The following LAMA1 variants were observed in gnomAD, a reference collection of about 807,000 sequenced individuals.
LAMA1 encodes laminin subunit alpha 1, also known as laminin subunit alpha-1.
In LAMA1, 219 loss-of-function variants were observed where a neutral mutation model predicts 348.7. The ratio of observed to expected loss-of-function variants is 0.63; its 90% CI spans 0.56 to 0.70. LAMA1 has a LOEUF of 0.70. Among genes scored for constraint, LAMA1 ranks in the 30% least tolerant of loss-of-function variants. The probability of loss-of-function intolerance (pLI) is 0.00; values close to 1 mark genes in which losing one functional copy is unlikely to be tolerated. For missense variants in LAMA1, 3,744 were observed against 3,888.0 expected, an observed-to-expected ratio of 0.96 and a Z score of 0.99; for synonymous variants, 1,487 against 1,491.0, an observed-to-expected ratio of 1.00 and a Z score of 0.06.
intron 39 of LAMA1, among the ~76,000 whole-genome samples, chr18:6,984,672 G>A (rs1387592834): frequency 6.6e-6 from 1 of 152,142 alleles, no homozygotes; most frequent in Non-Finnish European, 1.5e-5. Flanking sequence ...AGCAAGTTGA[G>A]TACATATTTT....
At chr18:7,009,950 G>A (rs2057851998) in intron 26 of LAMA1, among the ~76,000 whole-genome samples, 1 of 152,090 alleles carries the variant, frequency 6.6e-6, no homozygotes, top group Non-Finnish European at 1.5e-5. Context: ...GGGACTACAG[G>A]TGTGTGCCAC....
intron 2 of LAMA1, 83 bp downstream of exon 2, chr18:7,080,203 TG>T: frequency 1.3e-6 from 2 of 1,596,452 alleles, no homozygotes; most frequent in Non-Finnish European, 1.7e-6. Context: ...ACAATGTTTA[TG>T]GCTTCCTAAC....
At chr18:7,090,270 G>C (rs1485945718) in intron 1 of LAMA1, among the ~76,000 whole-genome samples, 1 of 152,112 alleles carries the variant, frequency 6.6e-6, no homozygotes, top group African/African-American at 2.4e-5. Flanking sequence ...CAAAGCTAAG[G>C]CTTAAATATG....
At chr18:6,979,905 T>C (rs1215148614) in intron 42 of LAMA1, among the ~76,000 whole-genome samples, 1 of 152,098 alleles carries the variant, frequency 6.6e-6, no homozygotes, top group African/African-American at 2.4e-5. Flanking sequence ...TCTCAAAAAA[T>C]GTGTGCTGCT....
At position 7,013,881 on chromosome 18, in the gene LAMA1, C is replaced by G. The variant is rs1296303021; in HGVS notation, c.3297G>C (p.Gly1099=). 1 of 1,612,414 alleles carries G rather than the reference C, an allele frequency of 6.2e-7. No homozygotes were observed. The stretch of plus-strand genomic sequence containing the variant: ...GACCCTGCTCCAGGTTGCAGGCGTC[C>G]CCCGACGTCCCCCTCAGGTCACAGT... ...PCDCDLRGTS[G]DACNLEQGLC... is the part of the protein sequence containing the mutation. Residue 1099 remains glycine, a synonymous_variant, in exon 23 of 63, where the codon GGG becomes GGC. Coordinates refer to ENST00000389658, the MANE Select transcript of LAMA1 (RefSeq NM_005559.4).
At chr18:6,951,377 G>A (rs1360597074) in intron 57 of LAMA1, among the ~76,000 whole-genome samples, 1 of 152,200 alleles carries the variant, frequency 6.6e-6, no homozygotes, top group Non-Finnish European at 1.5e-5. Context: ...AGAGCTTGAT[G>A]GCAGGGGACA....
intron 48 of LAMA1, among the ~76,000 whole-genome samples, chr18:6,971,348 G>T (rs919816898): frequency 6.6e-6 from 1 of 151,930 alleles, no homozygotes; most frequent in Non-Finnish European, 1.5e-5. Context: ...AACTTGGTTC[G>T]GAATTGGAAA....
chr18:6,964,884 A>C lies in LAMA1; in HGVS notation c.7196-81T>G. On this transcript the variant is annotated intron_variant, in intron 50 of 62. Coordinates refer to ENST00000389658, the MANE Select transcript of LAMA1 (RefSeq NM_005559.4). ...GGTAAAATGCAAACTTCTGGCAACA[A>C]AGCTCATTTACAAATGCATATTCTT... is the stretch of plus-strand genomic sequence containing the variant. The C allele has an allele frequency of 1.3e-6, 2 of 1,487,618 alleles. 1 individual carries two copies. Among genetic ancestry groups the C allele is most frequent in the Non-Finnish European group, 1.9e-6 (2 of 1,077,520 alleles). The allele number at this position is 1,487,618 out of a possible 1,614,324, so 92.2% of individuals were successfully genotyped here.
At chr18:7,078,245 C>A (rs764858737) in intron 3 of LAMA1, among the ~76,000 whole-genome samples, 44 of 150,556 alleles carry the variant, frequency 2.9e-4, no homozygotes, top group South Asian at 6.3e-4. Context: ...CGGCTCACTG[C>A]AACCTCTGCC....
At chr18:7,043,762 T>C (rs1296249685) in intron 7 of LAMA1, among the ~76,000 whole-genome samples, 2 of 143,622 alleles carry the variant, frequency 1.4e-5, no homozygotes, top group East Asian at 3.9e-4. Context: ...TTTAATAAAT[T>C]ATACTACATT....
intron 3 of LAMA1, among the ~76,000 whole-genome samples, chr18:7,067,319 A>G (rs1018728616): frequency 6.6e-6 from 1 of 151,640 alleles, no homozygotes; most frequent in African/African-American, 2.4e-5. Context: ...TGAAATTACT[A>G]CACAGAAATG....
rs1372185600 is a variant in LAMA1 at position 7,038,899 on chromosome 18, A to G, written c.1474T>C (p.Leu492=). 6.2e-6 allele frequency: 10 copies of G among 1,613,930 alleles called. No individual in the cohort carries two copies. In the East Asian group the frequency reaches 2.0e-4, roughly 32 times the overall value. The part of the protein sequence containing the change: ...CDRCKPGFYN[L]KEKNPRGCSE... ...CAGCCCCGGGGGTTTTTTTCCTTCA[A>G]GTTATAGAATCCTGGCTTGCAGCGA... is the stretch of plus-strand genomic sequence containing the variant. The change falls in exon 11 of 63, where the codon TTG becomes CTG. Residue 492 remains leucine, a synonymous_variant. Coordinates refer to ENST00000389658, the MANE Select transcript of LAMA1 (RefSeq NM_005559.4).
intron 1 of LAMA1, among the ~76,000 whole-genome samples, chr18:7,090,691 G>C (rs1172513002): frequency 6.9e-6 from 1 of 145,186 alleles, no homozygotes; most frequent in Non-Finnish European, 1.5e-5. Context: ...AGAACAGAGA[G>C]AGAGAGAGAA....
intron 55 of LAMA1, 129 bp from the exon 56 acceptor site, chr18:6,956,894 A>C: frequency 1.0e-6 from 1 of 989,262 alleles, no homozygotes; most frequent in Non-Finnish European, 1.5e-6. Flanking sequence ...AGAGTAACCA[A>C]AGTGCCAATC....
chr18:7,046,573 G>A (rs993215039), intron 5 of LAMA1, among the ~76,000 whole-genome samples: 2 of 152,134 alleles, frequency 1.3e-5, no homozygotes, highest in Non-Finnish European at 2.9e-5. Flanking sequence ...TAGCTCATCA[G>A]AACCCAAAGA....
intron 47 of LAMA1, 117 bp downstream of exon 47, chr18:6,972,940 C>T: frequency 8.9e-7 from 1 of 1,122,450 alleles, no homozygotes; most frequent in Non-Finnish European, 1.4e-6. Context: ...ATCTGCCCAC[C>T]TTGGCCTCCC....
chr18:7,004,356 T>A (rs1057340151), intron 29 of LAMA1, among the ~76,000 whole-genome samples: 1 of 152,050 alleles, frequency 6.6e-6, no homozygotes, highest in Non-Finnish European at 1.5e-5. Flanking sequence ...TTCCAATCAA[T>A]CACTTTTTTT....
rs747657118 is a variant in LAMA1 at position 6,956,690 on chromosome 18, C to T, written c.8040G>A (p.Lys2680=). ...TGCTGTCCTCTGCATCGGGAGCCAG[C>T]TTAGGCCTTTCTGACAGCCAGCAGG... ...LDTCWLSERP[K]LAPDAEDSKL... The change falls in exon 56 of 63, where the codon AAG becomes AAA. Residue 2680 remains lysine, a synonymous_variant. Coordinates refer to ENST00000389658, the MANE Select transcript of LAMA1 (RefSeq NM_005559.4). 8.7e-6 allele frequency: 14 copies of T among 1,614,214 alleles called. No homozygotes were observed. The highest frequency in any genetic ancestry group is 1.1e-5 in the Non-Finnish European group (13 of 1,180,038).
rs764421110 is a variant in LAMA1, at chr18:6,955,492, G to A, written c.8095-27C>T. 5.8e-6 allele frequency: 9 copies of A among 1,564,940 alleles called. No individual in the cohort carries two copies. The South Asian group carries it at 8.9e-5, about 16-fold the overall frequency. On this transcript the variant is annotated intron_variant, in intron 56 of 62. Coordinates refer to ENST00000389658, the MANE Select transcript of LAMA1 (RefSeq NM_005559.4). The stretch of plus-strand genomic sequence containing the variant: ...TGTAAGAGACACACAGGGACACTCA[G>A]CCGCCACCCGCAGCCCGAACCCCAC...
Sources: allele counts gnomAD v4.1 joint callset (sites outside exome capture counted in the v4.1 genomes callset), GRCh38; gene constraint gnomAD v4.1.1; transcripts MANE v1.5; gene names NCBI Gene and HGNC (gene_info 2026-07-23, HGNC 2026-07-21).